PACSIN2: variants seen among roughly 807,000 people sequenced by gnomAD.
PACSIN2 encodes protein kinase C and casein kinase substrate in neurons protein 2.
PACSIN2 carries 25 observed loss-of-function variants against 63.8 expected under a neutral mutation model. That is an observed-to-expected ratio of 0.39 (90% CI 0.29 to 0.55). The LOEUF (loss-of-function observed/expected upper bound fraction) is 0.55, where lower values mean the gene tolerates loss of function less well. PACSIN2 is among the 20% of genes least tolerant of loss of function. PACSIN2 has a pLI of 0.62. For synonymous variants in PACSIN2, 255 were observed against 256.2 expected (o/e 1.00, Z 0.05); for missense variants, 518 against 646.9 (o/e 0.80, Z 2.16).
intron 1 of PACSIN2, among the ~76,000 whole-genome samples, chr22:42,970,266 C>T (rs1416319033): frequency 1.3e-5 from 2 of 152,202 alleles, no homozygotes; most frequent in East Asian, 3.9e-4. Context: ...TATCAGGTGC[C>T]TCCTGAGATG....
intron 1 of PACSIN2, among the ~76,000 whole-genome samples, chr22:42,966,077 T>C (rs750824599): frequency 1.5e-4 from 23 of 152,324 alleles, no homozygotes; most frequent in African/African-American, 2.4e-4. Context: ...AAGATGTAAA[T>C]AGAGCCATCT....
Position 42,871,239 on chromosome 22 carries a change from T to C in PACSIN2, c.*118A>G, listed in dbSNP as rs994632386. On this transcript the variant is annotated 3_prime_UTR_variant, in exon 11 of 11. Transcript: ENST00000263246. The surrounding 1 kb of genome is among the most constrained non-coding windows in gnomAD (Gnocchi z 5.4). ...GCTCATCTGCCTTCCAGGAACACCA[T>C]GAAGCCAAGAGCAATGGAACCATCA... 2.9e-6 allele frequency: 2 copies of C among 693,830 alleles called. No individual in the cohort carries two copies. Among genetic ancestry groups the C allele is most frequent in the East Asian group, 2.7e-5 (1 of 37,324 alleles). 43.0% of individuals were successfully genotyped at this position (693,830 alleles called of 1,614,324 possible).
chr22:42,979,523 CAAAA>C (rs768725896), intron 1 of PACSIN2, among the ~76,000 whole-genome samples: 13 of 61,610 alleles, frequency 2.1e-4, no homozygotes, highest in Admixed American at 1.2e-3. Flanking sequence ...GACTCCCTCT[CAAAA>C]AAAAAAAAAA....
chr22:42,889,932 A>C (rs1319284412), intron 4 of PACSIN2, among the ~76,000 whole-genome samples: 2 of 152,142 alleles, frequency 1.3e-5, no homozygotes, highest in African/African-American at 4.8e-5. Flanking sequence ...AAAAAAATAA[A>C]GTGAAAGCAA....
At chr22:42,913,023 T>G (rs986770777) in intron 1 of PACSIN2, among the ~76,000 whole-genome samples, 2 of 152,228 alleles carry the variant, frequency 1.3e-5, no homozygotes, top group South Asian at 4.1e-4. Context: ...TGTAATCACA[T>G]GAATCTTCAT....
At chr22:42,984,542 G>T (rs2267482) in intron 1 of PACSIN2, among the ~76,000 whole-genome samples, 1 of 151,900 alleles carries the variant, frequency 6.6e-6, no homozygotes, top group Admixed American at 6.6e-5. Context: ...GAGAAAAGCA[G>T]GACTGTGATC....
chr22:42,972,677 C>G (rs1229399224), intron 1 of PACSIN2, among the ~76,000 whole-genome samples: 5 of 152,164 alleles, frequency 3.3e-5, no homozygotes, highest in Admixed American at 1.3e-4. Flanking sequence ...TCTGGGCTTT[C>G]CGACCTGGAC....
intron 3 of PACSIN2, among the ~76,000 whole-genome samples, chr22:42,892,576 C>A (rs1327569443): frequency 1.3e-5 from 2 of 152,214 alleles, no homozygotes; most frequent in Non-Finnish European, 2.9e-5. Flanking sequence ...GACGACACTG[C>A]CACCGACCAA....
intron 1 of PACSIN2, among the ~76,000 whole-genome samples, chr22:42,995,499 T>C (rs1304357917): frequency 1.3e-5 from 2 of 152,122 alleles, no homozygotes; most frequent in Non-Finnish European, 2.9e-5. Flanking sequence ...ACTCTGTCCA[T>C]TGGGCAGGAC....
intron 1 of PACSIN2, among the ~76,000 whole-genome samples, chr22:42,972,145 A>T (rs1322086753): frequency 6.6e-6 from 1 of 152,214 alleles, no homozygotes; most frequent in Non-Finnish European, 1.5e-5. Flanking sequence ...AGGAGACTCC[A>T]TTTTGTTCTG....
At chr22:43,013,235 GTGCAGAC>G (rs1924620832) in intron 1 of PACSIN2, among the ~76,000 whole-genome samples, 1 of 152,224 alleles carries the variant, frequency 6.6e-6, no homozygotes, top group African/African-American at 2.4e-5. Flanking sequence ...TGGATAAAGA[GTGCAGAC>G]CTAATCACCC....
At chr22:43,014,838 C>G (rs1924778377) in intron 1 of PACSIN2, among the ~76,000 whole-genome samples, 183 bp downstream of exon 1, 1 of 151,350 alleles carries the variant, frequency 6.6e-6, no homozygotes, top group African/African-American at 2.4e-5. Flanking sequence ...CCCGGGGCCC[C>G]GAGCACTCGC....
chr22:42,885,298 C>T (rs1346747190), intron 5 of PACSIN2, among the ~76,000 whole-genome samples: 4 of 152,136 alleles, frequency 2.6e-5, no homozygotes, highest in African/African-American at 7.2e-5. Flanking sequence ...CTTCCCCGCA[C>T]CCCCTCATCT....
intron 5 of PACSIN2, among the ~76,000 whole-genome samples, chr22:42,885,366 G>A (rs1602182152): frequency 6.6e-6 from 1 of 152,236 alleles, no homozygotes; most frequent in South Asian, 2.1e-4. Context: ...GTGGGATCAT[G>A]GTCGTGTTGT....
chr22:43,012,380 G>C (rs1222498709), intron 1 of PACSIN2, among the ~76,000 whole-genome samples: 2 of 151,322 alleles, frequency 1.3e-5, no homozygotes, highest in African/African-American at 4.9e-5. Context: ...GGCCATCAGA[G>C]ATGTGGATGG....
intron 2 of PACSIN2, among the ~76,000 whole-genome samples, chr22:42,910,694 A>C (rs972007241): frequency 6.6e-6 from 1 of 151,212 alleles, no homozygotes; most frequent in African/African-American, 2.4e-5. Flanking sequence ...TTTCTCAGGC[A>C]GATGTGCCTC....
chr22:42,923,914 C>T (rs1395644179), intron 1 of PACSIN2, among the ~76,000 whole-genome samples: 4 of 152,028 alleles, frequency 2.6e-5, no homozygotes, highest in South Asian at 2.1e-4. Context: ...TGGTAGTGCA[C>T]GCCTGTACTC....
intron 1 of PACSIN2, among the ~76,000 whole-genome samples, chr22:42,963,785 C>T (rs930306793): frequency 9.9e-5 from 15 of 151,920 alleles, no homozygotes; most frequent in African/African-American, 3.6e-4. Flanking sequence ...ACGGGACCTG[C>T]TATGAAAATC....
chr22:42,893,749 G>T, intron 2 of PACSIN2, 136 bp from the exon 3 acceptor site: 1 of 760,804 alleles, frequency 1.3e-6, no homozygotes, highest in Non-Finnish European at 2.2e-6. Context: ...CCAAGAGTTT[G>T]AAAGGCACTC....
Sources: gnomAD v4.1 joint callset for allele counts (sites outside exome capture counted in the v4.1 genomes callset) on GRCh38, gnomAD v4.1.1 for gene constraint, Gnocchi (gnomAD v3.1) non-coding constraint, MANE v1.5 for transcripts, NCBI Gene and HGNC (gene_info 2026-07-23, HGNC 2026-07-21) for gene names.